SYN3: variants seen among roughly 807,000 people sequenced by gnomAD.
SYN3 encodes synapsin-3.
SYN3 carries 35 observed loss-of-function variants against 65.8 expected under a neutral mutation model. That is an observed-to-expected ratio of 0.53 (90% CI 0.41 to 0.70). SYN3 has a LOEUF of 0.70. Among genes scored for constraint, SYN3 ranks in the 30% least tolerant of loss-of-function variants. SYN3 has a pLI of 0.00. For synonymous variants in SYN3, 270 were observed against 292.9 expected, an observed-to-expected ratio of 0.92 and a Z score of 0.80; for missense variants, 680 against 749.0, an observed-to-expected ratio of 0.91 and a Z score of 1.08.
At chr22:32,852,338 T>C (rs891135560) in intron 6 of SYN3, among the ~76,000 whole-genome samples, 6 of 152,212 alleles carry the variant, frequency 3.9e-5, no homozygotes, top group African/African-American at 1.4e-4. Flanking sequence ...ATGTTTTTAG[T>C]TCCCAGGGAA....
intron 6 of SYN3, among the ~76,000 whole-genome samples, chr22:32,693,562 G>A (rs5994605): frequency 0.028 from 4,203 of 150,222 alleles, 201 homozygotes; most frequent in African/African-American, 0.091. Flanking sequence ...GGCCTAAATC[G>A]GGTAATATAA....
intron 6 of SYN3, among the ~76,000 whole-genome samples, chr22:32,646,636 A>G (rs2059987809): frequency 6.6e-6 from 1 of 152,208 alleles, no homozygotes; most frequent in Non-Finnish European, 1.5e-5. Flanking sequence ...TTATGGGAGC[A>G]GGAGGATGTT....
At chr22:32,712,810 A>C (rs1163407623) in intron 6 of SYN3, among the ~76,000 whole-genome samples, 1 of 152,098 alleles carries the variant, frequency 6.6e-6, no homozygotes, top group Non-Finnish European at 1.5e-5. Flanking sequence ...CTTTGCATGC[A>C]CTATTCCCTC....
intron 6 of SYN3, among the ~76,000 whole-genome samples, chr22:32,688,565 T>C (rs2060622523): frequency 6.6e-6 from 1 of 152,164 alleles, no homozygotes; most frequent in Non-Finnish European, 1.5e-5. Context: ...ACAGGATTTC[T>C]GATAGGAATT....
At chr22:32,657,285 G>A (rs1459763040) in intron 6 of SYN3, among the ~76,000 whole-genome samples, 1 of 152,016 alleles carries the variant, frequency 6.6e-6, no homozygotes, top group Non-Finnish European at 1.5e-5. Flanking sequence ...CACCTCACCC[G>A]GCTGATTTTT....
chr22:32,544,971 AG>A (rs1307361343), intron 7 of SYN3, among the ~76,000 whole-genome samples: 6 of 152,190 alleles, frequency 3.9e-5, no homozygotes, highest in African/African-American at 1.2e-4. Flanking sequence ...GTGTCCATCC[AG>A]GGTACACTTT....
intron 4 of SYN3, among the ~76,000 whole-genome samples, chr22:32,916,538 G>A (rs1393578593): frequency 6.6e-6 from 1 of 152,104 alleles, no homozygotes; most frequent in African/African-American, 2.4e-5. Context: ...AAACCACATA[G>A]AACAAAATAA....
At chr22:32,778,715 A>G (rs1336012257) in intron 6 of SYN3, among the ~76,000 whole-genome samples, 1 of 152,244 alleles carries the variant, frequency 6.6e-6, no homozygotes, top group Non-Finnish European at 1.5e-5. Flanking sequence ...ATTTAACTGC[A>G]GCGTCACCGA....
At chr22:32,681,042 C>T (rs1271897271) in intron 6 of SYN3, among the ~76,000 whole-genome samples, 1 of 151,996 alleles carries the variant, frequency 6.6e-6, no homozygotes, top group Non-Finnish European at 1.5e-5. Context: ...ATATCACTTG[C>T]CATGATAAGG....
At chr22:32,604,524 CA>C (rs1204413913) in intron 6 of SYN3, among the ~76,000 whole-genome samples, 1 of 112,852 alleles carries the variant, frequency 8.9e-6, no homozygotes, top group Non-Finnish European at 1.8e-5. Flanking sequence ...GTCTCATACT[CA>C]TGTCTCCGCT....
chr22:32,686,150 A>T (rs1348728412), intron 6 of SYN3, among the ~76,000 whole-genome samples: 1 of 152,178 alleles, frequency 6.6e-6, no homozygotes, highest in Non-Finnish European at 1.5e-5. Context: ...AATTTAGCGA[A>T]TATGGGTTGG....
chr22:32,992,312 C>A (rs1244585593), intron 2 of SYN3, among the ~76,000 whole-genome samples: 1 of 152,236 alleles, frequency 6.6e-6, no homozygotes, highest in African/African-American at 2.4e-5. Context: ...GTCTGAACAC[C>A]TGCACCTGAG....
chr22:33,050,806 G>A (rs1481829392), intron 1 of SYN3, among the ~76,000 whole-genome samples: 5 of 152,158 alleles, frequency 3.3e-5, no homozygotes, highest in Non-Finnish European at 7.3e-5. Flanking sequence ...GATCATCTTG[G>A]ACAAGTCACT....
At chr22:32,564,844 CCAAA>C (rs2058641292) in intron 7 of SYN3, among the ~76,000 whole-genome samples, 1 of 150,578 alleles carries the variant, frequency 6.6e-6, no homozygotes, top group South Asian at 2.1e-4. Flanking sequence ...CGGACTACAC[CCAAA>C]CAGTGCTCCC....
chr22:32,784,958 C>T (rs1256410122), intron 6 of SYN3: 1 of 152,166 alleles, frequency 6.6e-6, no homozygotes, highest in African/African-American at 2.4e-5. Context: ...GACAGAGGAG[C>T]CTTCTCTCCC....
intron 4 of SYN3, among the ~76,000 whole-genome samples, chr22:32,913,055 G>A (rs1311071460): frequency 6.6e-6 from 1 of 152,168 alleles, no homozygotes; most frequent in Non-Finnish European, 1.5e-5. Flanking sequence ...GTACAGGATA[G>A]TGAGGGAGGG....
intron 2 of SYN3, among the ~76,000 whole-genome samples, chr22:32,997,774 C>A (rs937310903): frequency 6.6e-6 from 1 of 152,068 alleles, no homozygotes; most frequent in African/African-American, 2.4e-5. Context: ...CGTCTGTAAC[C>A]CCAGCACGTT....
rs904884577 is a variant in SYN3 at position 32,728,358 on chromosome 22, T to C, written c.712-131622A>G. 5.9e-5 allele frequency among the ~76,000 whole-genome samples: 9 copies of C among 152,266 alleles called. No homozygotes were observed. In the East Asian group the frequency reaches 1.7e-3, roughly 29 times the overall value. ...CCATCATGCTCCCCTGTGCTTCCTG[T>C]GCTCCGGCCATACCAGCTGCCTCTG... is the stretch of plus-strand genomic sequence containing the variant. On this transcript the variant is annotated intron_variant, in intron 6 of 13. Transcript: ENST00000358763.
chr22:32,873,650 C>T (rs1295076711), intron 4 of SYN3, among the ~76,000 whole-genome samples: 1 of 152,144 alleles, frequency 6.6e-6, no homozygotes, highest in Non-Finnish European at 1.5e-5. Context: ...GTAAAATGGG[C>T]CTGTGAGAAA....
Sources: gnomAD v4.1 joint callset for allele counts (sites outside exome capture counted in the v4.1 genomes callset) on GRCh38, gnomAD v4.1.1 for gene constraint, MANE v1.5 for transcripts, NCBI Gene and HGNC (gene_info 2026-07-23, HGNC 2026-07-21) for gene names.